SULT4A1: variants seen among roughly 807,000 people sequenced by gnomAD.
SULT4A1 encodes the protein sulfotransferase 4A1.
SULT4A1 carries 11 observed loss-of-function variants against 35.2 expected under a neutral mutation model. The ratio of observed to expected loss-of-function variants is 0.31; its 90% CI spans 0.20 to 0.52. The LOEUF (loss-of-function observed/expected upper bound fraction) is 0.52. Among genes scored for constraint, SULT4A1 ranks in the 20% least tolerant of loss-of-function variants. SULT4A1 has a pLI of 0.97. For synonymous variants in SULT4A1, 152 were observed against 151.8 expected (o/e 1.00, Z -0.01); for missense variants, 271 against 383.7 (o/e 0.71, Z 2.45).
chr22:43,839,118 C>T, intron 3 of SULT4A1, 125 bp from the exon 4 acceptor site: 3 of 1,300,360 alleles, frequency 2.3e-6, no homozygotes, highest in Admixed American at 2.1e-5. Context: ...TTCCAGCGTC[C>T]AGCTGGGGCC....
intron 1 of SULT4A1, among the ~76,000 whole-genome samples, chr22:43,854,835 G>C (rs1569505103): frequency 2.0e-5 from 3 of 152,284 alleles, no homozygotes; most frequent in Non-Finnish European, 4.4e-5. Flanking sequence ...TGCCTTCTGA[G>C]ACCACCTCCC....
chr22:43,833,610 C>G, intron 5 of SULT4A1, 30 bp downstream of exon 5: 1 of 1,567,478 alleles, frequency 6.4e-7, no homozygotes. Flanking sequence ...GCCAGGGCAC[C>G]CGGAGGACAG....
At position 43,862,387 on chromosome 22, in the gene SULT4A1, CCGCCGT is replaced by C. The variant is rs761105330; in HGVS notation, c.-11_-6del. ...CTCGGCCTCGCTCTCCGCCATGCCG[CCGCCGT>C]CGCCGTCGCCGCCGCCGCCTCCCGG... On this transcript the variant is annotated 5_prime_UTR_variant, in exon 1 of 7. Transcript: ENST00000330884. The C allele has an allele frequency of 3.1e-4, 402 of 1,302,338 alleles. No individual in the cohort carries two copies. The highest frequency in any genetic ancestry group is 3.7e-4 in the Non-Finnish European group (376 of 1,006,264). 80.7% of individuals were successfully genotyped at this position (1,302,338 alleles called of 1,614,324 possible). A position where few individuals can be genotyped will look rare whatever the true frequency, so the allele number is the denominator to read the frequency against.
intron 1 of SULT4A1, among the ~76,000 whole-genome samples, chr22:43,859,220 C>T (rs2049438029): frequency 6.6e-6 from 1 of 152,188 alleles, no homozygotes; most frequent in South Asian, 2.1e-4. Flanking sequence ...AGCTTCAACC[C>T]CTGAGTTGTC....
At chr22:43,852,185 CT>C (rs570159765) in intron 1 of SULT4A1, among the ~76,000 whole-genome samples, 1 of 151,904 alleles carries the variant, frequency 6.6e-6, no homozygotes, top group South Asian at 2.1e-4. Flanking sequence ...AACAGCTAGA[CT>C]TTTTTTTGTT....
At chr22:43,849,698 A>G (rs1422437190) in intron 1 of SULT4A1, among the ~76,000 whole-genome samples, 1 of 152,162 alleles carries the variant, frequency 6.6e-6, no homozygotes, top group Admixed American at 6.5e-5. Context: ...ACCATCTTCA[A>G]TTCGTTCATG....
chr22:43,836,551 T>G (rs186427777), intron 4 of SULT4A1, among the ~76,000 whole-genome samples: 2,440 of 44,040 alleles, frequency 0.055, 74 homozygotes, highest in Middle Eastern at 0.14. Flanking sequence ...GCCACAGGGA[T>G]CCTGTCTACA....
intron 1 of SULT4A1, among the ~76,000 whole-genome samples, chr22:43,861,329 C>A (rs887143531): frequency 7.2e-5 from 11 of 152,324 alleles, no homozygotes; most frequent in African/African-American, 2.2e-4. Context: ...CTGTGATTGC[C>A]TCAAATACAG....
intron 5 of SULT4A1, among the ~76,000 whole-genome samples, chr22:43,831,651 G>A (rs566876167): frequency 3.3e-5 from 5 of 152,384 alleles, no homozygotes; most frequent in African/African-American, 7.2e-5. Context: ...AGAGCTCCGC[G>A]CCACGCAGGT....
chr22:43,852,470 G>A (rs2049352482), intron 1 of SULT4A1, among the ~76,000 whole-genome samples: 3 of 151,758 alleles, frequency 2.0e-5, no homozygotes, highest in South Asian at 2.1e-4. Flanking sequence ...AAGCCACCAC[G>A]CCTGGCCCAC....
chr22:43,838,628 G>A (rs1374365762), intron 4 of SULT4A1, among the ~76,000 whole-genome samples: 1 of 152,236 alleles, frequency 6.6e-6, no homozygotes, highest in African/African-American at 2.4e-5. Flanking sequence ...CGACAGTGTG[G>A]TAGAAGAGAA....
At chr22:43,858,068 G>T (rs1436719029) in intron 1 of SULT4A1, among the ~76,000 whole-genome samples, 4 of 110,940 alleles carry the variant, frequency 3.6e-5, no homozygotes, top group Admixed American at 9.3e-5. Flanking sequence ...AAAAAAAAAA[G>T]GAAAGAAAGA....
At chr22:43,830,179 T>TTAAA (rs1252800320) in intron 5 of SULT4A1, among the ~76,000 whole-genome samples, 24 of 152,122 alleles carry the variant, frequency 1.6e-4, no homozygotes, top group Non-Finnish European at 3.5e-4. Context: ...GAGGAACAGT[T>TTAAA]ATTAGAGAAT....
intron 1 of SULT4A1, 49 bp from the exon 2 acceptor site, chr22:43,841,981 C>A: frequency 1.3e-6 from 2 of 1,584,176 alleles, no homozygotes; most frequent in Non-Finnish European, 1.7e-6. Context: ...GGCCCACGCG[C>A]CCGGCCCTGT....
chr22:43,842,663 G>A (rs545685781), intron 1 of SULT4A1, among the ~76,000 whole-genome samples: 42 of 152,184 alleles, frequency 2.8e-4, no homozygotes, highest in Admixed American at 5.9e-4. Context: ...ACCCCAAGGC[G>A]CTCCAGGGTA....
chr22:43,853,490 A>G (rs1569504976), intron 1 of SULT4A1, among the ~76,000 whole-genome samples: 1 of 152,178 alleles, frequency 6.6e-6, no homozygotes, highest in Non-Finnish European at 1.5e-5. Flanking sequence ...AAACAGGCAC[A>G]GTCACTGGCC....
intron 1 of SULT4A1, among the ~76,000 whole-genome samples, chr22:43,860,403 G>A (rs1469871374): frequency 2.6e-5 from 4 of 152,162 alleles, no homozygotes; most frequent in African/African-American, 9.7e-5. Flanking sequence ...CATTAACCAC[G>A]AGCCTTTCCA....
intron 5 of SULT4A1, among the ~76,000 whole-genome samples, 172 bp downstream of exon 5, chr22:43,833,468 T>C (rs2063339042): frequency 1.4e-5 from 2 of 146,916 alleles, no homozygotes; most frequent in East Asian, 4.1e-4. Flanking sequence ...GACAGGCTGC[T>C]CCCCACACCC....
chr22:43,838,793 A>AC lies in SULT4A1; in HGVS notation c.508+73dup, dbSNP rs1243746294. 9 of 1,596,282 alleles carry AC rather than the reference A, an allele frequency of 5.6e-6. No homozygotes were observed. The Admixed American group carries it at 6.7e-5, about 12-fold the overall frequency. On this transcript the variant is annotated intron_variant, in intron 4 of 6. Transcript: ENST00000330884. Reference sequence around the variant, plus strand: ...GAACTGGAGACCGTGTCGGGGAAGCACCCAGCACCTGCCAGGCCGTCCACG... The same window carrying AC: ...GAACTGGAGACCGTGTCGGGGAAGCACCCCAGCACCTGCCAGGCCGTCCACG...
Sources: allele counts gnomAD v4.1 joint callset (sites outside exome capture counted in the v4.1 genomes callset), GRCh38; gene constraint gnomAD v4.1.1; transcripts MANE v1.5; gene names NCBI Gene and HGNC (gene_info 2026-07-23, HGNC 2026-07-21).